TET1: variants seen among roughly 807,000 people sequenced by gnomAD.
TET1 encodes the protein methylcytosine dioxygenase TET1.
TET1 carries 13 observed loss-of-function variants against 148.7 expected under a neutral mutation model. The observed-to-expected ratio is 0.09, with a 90% CI of 0.06 to 0.14. The LOEUF is 0.14. Among genes scored for constraint, TET1 ranks in the 10% least tolerant of loss-of-function variants. The probability of loss-of-function intolerance (pLI) is 1.00; values close to 1 mark genes in which losing one functional copy is unlikely to be tolerated. For synonymous variants in TET1, 907 were observed against 937.2 expected, an observed-to-expected ratio of 0.97 and a Z score of 0.59; for missense variants, 2,182 against 2,553.8, an observed-to-expected ratio of 0.85 and a Z score of 3.14.
intron 1 of TET1, among the ~76,000 whole-genome samples, chr10:68,570,968 G>GTTATT (rs1051348146): frequency 1.3e-5 from 2 of 150,434 alleles, no homozygotes; most frequent in Admixed American, 6.6e-5. Context: ...TTCTATTTTT[G>GTTATT]TTATTTTATT....
intron 7 of TET1, among the ~76,000 whole-genome samples, chr10:68,669,642 C>A (rs1200949781): frequency 1.3e-5 from 2 of 151,520 alleles, no homozygotes; most frequent in Non-Finnish European, 2.9e-5. Context: ...GCGTGAGCCA[C>A]CACGTCCAGC....
At chr10:68,654,422 C>T (rs550177779) in intron 6 of TET1, among the ~76,000 whole-genome samples, 1 of 152,156 alleles carries the variant, frequency 6.6e-6, no homozygotes, top group South Asian at 2.1e-4. Flanking sequence ...TCGAGCCTAT[C>T]CTGGCTAACA....
At chr10:68,596,027 C>CACACATAT (rs71470531) in intron 2 of TET1, among the ~76,000 whole-genome samples, 2,252 of 61,020 alleles carry the variant, frequency 0.037, 77 homozygotes, top group Middle Eastern at 0.053. Flanking sequence ...CACACACACA[C>CACACATAT]ATATATATAT....
chr10:68,678,198 C>T (rs2055389712), intron 8 of TET1, among the ~76,000 whole-genome samples: 1 of 152,172 alleles, frequency 6.6e-6, no homozygotes, highest in South Asian at 2.1e-4. Context: ...TCTATGAGCA[C>T]AATCCATGGA....
intron 1 of TET1, among the ~76,000 whole-genome samples, chr10:68,569,363 A>G (rs1402588261): frequency 2.0e-5 from 3 of 151,488 alleles, no homozygotes; most frequent in Admixed American, 6.6e-5. Context: ...TTTAGTAGAG[A>G]TGGGGTTTCA....
In TET1 at chr10:68,573,252, T is replaced by C. The variant is rs2053691181; in HGVS notation, c.914T>C (p.Val305Ala). The change falls in exon 2 of 12, where the codon GTT (valine) becomes GCT (alanine). Residue 305 changes from valine to alanine, a missense_variant. Physicochemically the swap from Val to Ala is moderately conservative, Grantham distance 64 (BLOSUM62 0). Transcript: ENST00000373644. Reference sequence around the variant, plus strand: ...TACCCCACCTCCAGTCTTAATAAGGTTATACCTGACTTGAACCTTAGAAAC... The same window carrying C: ...TACCCCACCTCCAGTCTTAATAAGGCTATACCTGACTTGAACCTTAGAAAC... ...DCYPTSSLNK[V>A]IPDLNLRNCL... The C allele has an allele frequency of 1.2e-6, 2 of 1,614,056 alleles. No homozygotes were observed. Among genetic ancestry groups the C allele is most frequent in the Non-Finnish European group, 1.7e-6 (2 of 1,180,032 alleles).
chr10:68,650,624 G>T (rs1171200125), intron 4 of TET1, among the ~76,000 whole-genome samples: 1 of 151,702 alleles, frequency 6.6e-6, no homozygotes, highest in Admixed American at 6.6e-5. Flanking sequence ...AGAGTGAAAC[G>T]CCATCTCAAA....
intron 2 of TET1, among the ~76,000 whole-genome samples, chr10:68,583,386 A>G (rs61869329): frequency 0.057 from 8,716 of 152,200 alleles, 341 homozygotes; most frequent in Non-Finnish European, 0.079. Context: ...ATAAGACACA[A>G]CTTCCAAATG....
intron 3 of TET1, among the ~76,000 whole-genome samples, chr10:68,634,169 A>G (rs957419208): frequency 2.0e-5 from 3 of 152,206 alleles, no homozygotes; most frequent in Non-Finnish European, 4.4e-5. Flanking sequence ...CATTACAGGC[A>G]TGAGCCACCG....
intron 9 of TET1, among the ~76,000 whole-genome samples, 189 bp downstream of exon 9, chr10:68,681,677 T>C (rs1161904957): frequency 6.6e-6 from 1 of 152,120 alleles, no homozygotes; most frequent in African/African-American, 2.4e-5. Flanking sequence ...TCTTAAAAAG[T>C]CATTGTTGGC....
At chr10:68,637,307 TA>T (rs2054668059) in intron 3 of TET1, among the ~76,000 whole-genome samples, 1 of 151,932 alleles carries the variant, frequency 6.6e-6, no homozygotes, top group Admixed American at 6.6e-5. Context: ...TTTTTATCCC[TA>T]AAAAAAGAAA....
At chr10:68,602,936 CT>C (rs1564962422) in intron 3 of TET1, among the ~76,000 whole-genome samples, 1 of 152,008 alleles carries the variant, frequency 6.6e-6, no homozygotes, top group Admixed American at 6.6e-5. Flanking sequence ...CTAAAAAAAA[CT>C]TTCAGATTTT....
intron 3 of TET1, among the ~76,000 whole-genome samples, chr10:68,613,108 T>A (rs1171144136): frequency 6.6e-6 from 1 of 152,218 alleles, no homozygotes; most frequent in Non-Finnish European, 1.5e-5. Flanking sequence ...TGTAATTGCA[T>A]CTTGGTGTAA....
At chr10:68,585,132 G>A (rs1399998707) in intron 2 of TET1, among the ~76,000 whole-genome samples, 2 of 152,036 alleles carry the variant, frequency 1.3e-5, no homozygotes, top group African/African-American at 2.4e-5. Flanking sequence ...AGCCTCCCGA[G>A]TAGCTGGGAT....
chr10:68,681,069 G>T (rs7913933), intron 8 of TET1, among the ~76,000 whole-genome samples: 143,782 of 152,332 alleles, frequency 0.94, 67,887 homozygotes, highest in East Asian at 0.98. Context: ...AACGTTGTTT[G>T]CATTTATTCC....
At chr10:68,605,341 C>T (rs955816460) in intron 3 of TET1, among the ~76,000 whole-genome samples, 14 of 152,144 alleles carry the variant, frequency 9.2e-5, no homozygotes, top group African/African-American at 2.2e-4. Flanking sequence ...GGGGTAGTGG[C>T]GCATGCCTGT....
At position 68,691,084 on chromosome 10, in the gene TET1, C is replaced by T; in HGVS notation, c.5681C>T (p.Ala1894Val). The T allele has an allele frequency of 6.2e-7, 1 of 1,614,228 alleles. No homozygotes were observed. The highest frequency in any genetic ancestry group is 8.5e-7 in the Non-Finnish European group (1 of 1,180,046). The part of the protein sequence containing the change: ...PSGRLSGANA[A>V]AADGPGISQL... ...GGAAGACTCAGTGGTGCCAATGCAG[C>T]TGCTGCTGATGGCCCTGGCATTTCA... is the stretch of plus-strand genomic sequence containing the variant. The change falls in exon 12 of 12, where the codon GCT becomes GTT. Residue 1894 changes from alanine (A) to valine (V), a missense_variant. Physicochemically the swap from Ala to Val is moderately conservative, Grantham distance 64. Coordinates refer to ENST00000373644, the MANE Select transcript of TET1 (RefSeq NM_030625.3). This position sits in a 1 kb window ranked among gnomAD's most constrained non-coding sequence, Gnocchi z 4.4.
At chr10:68,632,177 C>T (rs185761487) in intron 3 of TET1, among the ~76,000 whole-genome samples, 1 of 151,910 alleles carries the variant, frequency 6.6e-6, no homozygotes, top group East Asian at 1.9e-4. Context: ...AAAAAATTAG[C>T]GGGGCGTGGT....
intron 2 of TET1, among the ~76,000 whole-genome samples, chr10:68,584,286 T>A (rs560464247): frequency 1.8e-4 from 27 of 151,232 alleles, no homozygotes; most frequent in African/African-American, 6.5e-4. Context: ...AGGTGATCCA[T>A]CTGCCTCAGC....
Sources: allele counts gnomAD v4.1 joint callset (sites outside exome capture counted in the v4.1 genomes callset), GRCh38; gene constraint gnomAD v4.1.1; non-coding constraint Gnocchi (gnomAD v3.1); transcripts MANE v1.5; gene names NCBI Gene and HGNC (gene_info 2026-07-23, HGNC 2026-07-21).